Variants in CCDC25 observed in about 807,000 individuals in gnomAD.
CCDC25 encodes the protein coiled-coil domain-containing protein 25.
Under a neutral mutation model 35.3 loss-of-function variants are expected in CCDC25, and 16 were observed. The observed-to-expected ratio is 0.45, with a 90% CI of 0.31 to 0.69. CCDC25 has a LOEUF of 0.69. CCDC25 is among the 30% of genes least tolerant of loss of function. CCDC25 has a pLI of 0.06. For synonymous variants in CCDC25, 79 were observed against 80.3 expected, an observed-to-expected ratio of 0.98 and a Z score of 0.09; for missense variants, 179 against 250.7, an observed-to-expected ratio of 0.71 and a Z score of 1.93.
At chr8:27,742,899 A>C (rs1348144834) in intron 7 of CCDC25, among the ~76,000 whole-genome samples, 2 of 152,028 alleles carry the variant, frequency 1.3e-5, no homozygotes, top group African/African-American at 4.8e-5. Context: ...ACAAACAAAA[A>C]CAAATTTACC....
In CCDC25 at chr8:27,737,203, C is replaced by T. The variant is rs1467561647; in HGVS notation, c.598-958G>A. Among the ~76,000 whole-genome samples the T allele has an allele frequency of 6.6e-6, 1 of 151,946 alleles. No individual in the cohort carries two copies. The highest frequency in any genetic ancestry group is 2.4e-5 in the African/African-American group (1 of 41,352). The stretch of plus-strand genomic sequence containing the variant: ...ACTGAAGCCAAGGTAAAAATGCCTT[C>T]GATAATTGTACAAAGAACAGACTAA... On this transcript the variant is annotated intron_variant, in intron 8 of 8. Transcript: ENST00000356537. This position sits in a 1 kb window ranked among gnomAD's most constrained non-coding sequence, Gnocchi z 4.6.
At chr8:27,745,441 A>G (rs1163178643) in intron 7 of CCDC25, among the ~76,000 whole-genome samples, 5 of 152,194 alleles carry the variant, frequency 3.3e-5, no homozygotes. Context: ...TTCGACATCT[A>G]CATGGGTTGA....
intron 7 of CCDC25, among the ~76,000 whole-genome samples, chr8:27,741,283 A>C (rs980058851): frequency 1.3e-5 from 2 of 152,256 alleles, no homozygotes; most frequent in Non-Finnish European, 2.9e-5. Context: ...GGATCGGATG[A>C]GAAGAAAACA....
chr8:27,754,690 G>T (rs1311745439), intron 4 of CCDC25: 1 of 152,204 alleles, frequency 6.6e-6, no homozygotes, highest in Non-Finnish European at 1.5e-5. Flanking sequence ...TAGTGACAGG[G>T]TCTCCCTATG....
intron 2 of CCDC25, 123 bp downstream of exon 2, chr8:27,765,081 T>C: frequency 1.2e-6 from 1 of 816,184 alleles, no homozygotes; most frequent in South Asian, 1.7e-5. Context: ...TCTCAAAAGC[T>C]AGTTTATCAA....
At chr8:27,746,065 G>C (rs1803592553) in intron 7 of CCDC25, among the ~76,000 whole-genome samples, 1 of 152,164 alleles carries the variant, frequency 6.6e-6, no homozygotes, top group South Asian at 2.1e-4. Flanking sequence ...TGTAATTTTT[G>C]AAACTCATAA....
intron 4 of CCDC25, among the ~76,000 whole-genome samples, chr8:27,755,764 T>C (rs1803980480): frequency 6.6e-6 from 1 of 152,218 alleles, no homozygotes; most frequent in African/African-American, 2.4e-5. Flanking sequence ...ATAACCCGTC[T>C]AGTCACGAGA....
At chr8:27,753,237 C>G (rs117951622) in intron 4 of CCDC25, among the ~76,000 whole-genome samples, 1 of 152,162 alleles carries the variant, frequency 6.6e-6, no homozygotes, top group African/African-American at 2.4e-5. Context: ...CTCAGAGTCA[C>G]GTGGTGAGTA....
rs766980234 is a variant in CCDC25 at position 27,748,579 on chromosome 8, A to G, written c.264T>C (p.Val88=). 1 of 1,613,692 alleles carries G rather than the reference A, an allele frequency of 6.2e-7. No individual in the cohort carries two copies. The highest frequency in any genetic ancestry group is 8.5e-7 in the Non-Finnish European group (1 of 1,179,690). The change falls in exon 6 of 9, where the codon GTT becomes GTC. Residue 88 remains valine, a synonymous_variant. Transcript: ENST00000356537. ...NSIQGCKMNN[V]NVVYTPWSNL... ...TAGACCACGGCGTATATACCACATT[A>G]ACGTTGTTCATCTTGCAGCCTGCCA...
At chr8:27,738,259 T>C (rs971226854) in intron 8 of CCDC25, among the ~76,000 whole-genome samples, 15 of 125,876 alleles carry the variant, frequency 1.2e-4, no homozygotes, top group African/African-American at 3.5e-4. Context: ...CAATAACTTA[T>C]GGAAACAAAA....
At chr8:27,768,117 A>C (rs960684711) in intron 1 of CCDC25, among the ~76,000 whole-genome samples, 6 of 152,070 alleles carry the variant, frequency 3.9e-5, no homozygotes, top group African/African-American at 9.7e-5. Context: ...TTGAGGCTGC[A>C]ATGATCTGTG....
At chr8:27,745,302 C>T (rs918751985) in intron 7 of CCDC25, among the ~76,000 whole-genome samples, 1 of 152,126 alleles carries the variant, frequency 6.6e-6, no homozygotes, top group Non-Finnish European at 1.5e-5. Context: ...GGCCGCATCT[C>T]AACTTTTAAA....
At chr8:27,771,718 A>G (rs1804625454) in intron 1 of CCDC25, among the ~76,000 whole-genome samples, 1 of 152,154 alleles carries the variant, frequency 6.6e-6, no homozygotes, top group Admixed American at 6.5e-5. Flanking sequence ...GCATACTTGG[A>G]ACGTTAAGTG....
At position 27,733,989 on chromosome 8, in the gene CCDC25, A is replaced by G. The variant is rs2010525; in HGVS notation, c.*2227T>C. On this transcript the variant is annotated 3_prime_UTR_variant, in exon 9 of 9. Transcript: ENST00000356537. ...GTGGGGAAAACCGCTGGCACTGAATAGCTGAAAGGCTCGCTGAAATCTGTG... is the reference window on the plus strand; with the variant it reads ...GTGGGGAAAACCGCTGGCACTGAATGGCTGAAAGGCTCGCTGAAATCTGTG... 66,041 of 152,072 alleles carry G rather than the reference A, an allele frequency of 0.43. 14,618 individuals are homozygous for G. The highest frequency in any genetic ancestry group is 0.63 in the East Asian group (3,259 of 5,172). 9.4% of individuals were successfully genotyped at this position (152,072 alleles called of 1,614,324 possible). A position where few individuals can be genotyped will look rare whatever the true frequency, so the allele number is the denominator to read the frequency against.
chr8:27,762,105 A>G (rs1804248267), intron 3 of CCDC25, among the ~76,000 whole-genome samples: 1 of 152,084 alleles, frequency 6.6e-6, no homozygotes, highest in Non-Finnish European at 1.5e-5. Context: ...TGAAGTCTTC[A>G]TTTTTCCACT....
chr8:27,771,516 G>GCT (rs370757524), intron 1 of CCDC25, among the ~76,000 whole-genome samples: 5 of 151,540 alleles, frequency 3.3e-5, no homozygotes, highest in East Asian at 1.9e-4. Flanking sequence ...AGGTGACTCT[G>GCT]CTCTCTCTCT....
intron 8 of CCDC25, among the ~76,000 whole-genome samples, chr8:27,736,997 C>G (rs1452616415): frequency 6.6e-6 from 1 of 152,140 alleles, no homozygotes; most frequent in Non-Finnish European, 1.5e-5. Context: ...TTCTCTTTCC[C>G]ATTGCTTAAC....
Position 27,733,939 on chromosome 8 carries a change from G to GT in CCDC25, c.*2276dup, listed in dbSNP as rs1471773060. The GT allele has an allele frequency of 1.3e-5, 2 of 152,194 alleles. No individual in the cohort carries two copies. Among genetic ancestry groups the GT allele is most frequent in the Non-Finnish European group, 2.9e-5 (2 of 68,042 alleles). The allele number at this position is 152,194 out of a possible 1,614,324, so 9.4% of individuals were successfully genotyped here. On this transcript the variant is annotated 3_prime_UTR_variant, in exon 9 of 9. Coordinates refer to ENST00000356537, the MANE Select transcript of CCDC25 (RefSeq NM_018246.3). ...CTCTCCCCGTCTAATCCTGCTGTGT[G>GT]TATGGCTCACACCATCTTTCCTGAG...
chr8:27,772,407 T>C lies in CCDC25; in HGVS notation c.28+106A>G, dbSNP rs1804660190. On this transcript the variant is annotated intron_variant, in intron 1 of 8. Coordinates refer to ENST00000356537, the MANE Select transcript of CCDC25 (RefSeq NM_018246.3). ...GAGGCCGCGGGAAGAGGCACTCGCA[T>C]CCAGAAGGCATTTTAGAGCGAGGGT... is the stretch of plus-strand genomic sequence containing the variant. 6 of 1,148,836 alleles carry C rather than the reference T, an allele frequency of 5.2e-6. No homozygotes were observed. In the East Asian group the frequency reaches 1.6e-4, roughly 30 times the overall value. The allele number at this position is 1,148,836 out of a possible 1,614,324, so 71.2% of individuals were successfully genotyped here.
Sources: gnomAD v4.1 joint callset for allele counts (sites outside exome capture counted in the v4.1 genomes callset) on GRCh38, gnomAD v4.1.1 for gene constraint, Gnocchi (gnomAD v3.1) non-coding constraint, MANE v1.5 for transcripts, NCBI Gene and HGNC (gene_info 2026-07-23, HGNC 2026-07-21) for gene names.